DPY19L2: variants seen among roughly 807,000 people sequenced by gnomAD.
DPY19L2 encodes probable C-mannosyltransferase DPY19L2.
A neutral mutation model predicts 97.9 loss-of-function variants in DPY19L2; 34 were observed. That is an observed-to-expected ratio of 0.35 (90% CI 0.26 to 0.46). DPY19L2 has a LOEUF of 0.46. Among genes scored for constraint, DPY19L2 ranks in the 20% least tolerant of loss-of-function variants. The pLI is 1.00. For synonymous variants in DPY19L2, 230 were observed against 307.9 expected (o/e 0.75, Z 2.65); for missense variants, 623 against 911.4 (o/e 0.68, Z 4.07).
intron 11 of DPY19L2, among the ~76,000 whole-genome samples, chr12:63,611,339 T>C (rs943205710): frequency 1.3e-5 from 2 of 151,464 alleles, no homozygotes; most frequent in Non-Finnish European, 2.9e-5. Flanking sequence ...AGAATATCTA[T>C]AGGAATAAGA....
intron 6 of DPY19L2, among the ~76,000 whole-genome samples, chr12:63,644,143 TA>T (rs1286051258): frequency 3.3e-5 from 5 of 152,112 alleles, no homozygotes; most frequent in African/African-American, 1.2e-4. Context: ...ACACATGAAC[TA>T]GGAGATATTC....
intron 14 of DPY19L2, 117 bp from the exon 15 acceptor site, chr12:63,596,154 C>G (rs1045868741): frequency 3.0e-6 from 2 of 676,236 alleles, no homozygotes; most frequent in Non-Finnish European, 4.6e-6. Flanking sequence ...GGTTAAATTT[C>G]TTTGTCATCA....
At chr12:63,565,017 T>TTG (rs546595602) in intron 21 of DPY19L2, among the ~76,000 whole-genome samples, 2,040 of 152,174 alleles carry the variant, frequency 0.013, 24 homozygotes, top group Non-Finnish European at 0.021. Flanking sequence ...CAAATATACT[T>TTG]TGATGTTATT....
At chr12:63,633,134 C>T (rs1039170875) in intron 6 of DPY19L2, among the ~76,000 whole-genome samples, 21 of 152,250 alleles carry the variant, frequency 1.4e-4, no homozygotes, top group African/African-American at 5.1e-4. Context: ...CTAGGCATTA[C>T]CATTCAGGAC....
At position 63,594,107 on chromosome 12, in the gene DPY19L2, T is replaced by C; in HGVS notation, c.1560A>G (p.Leu520=). Residue 520 remains leucine (L), a synonymous_variant, in exon 16 of 22, where the codon TTA becomes TTG. Transcript: ENST00000324472. ...KKTVRDISYV[L]ATNIYLRKQL... is the part of the protein sequence containing the mutation. ...ATTACCTTAGATAAATGTTTGTAGC[T>C]AAAACATATGAAATATCACGAACAG... 6.5e-7 allele frequency: 1 copy of C among 1,548,104 alleles called. No homozygotes were observed. Among genetic ancestry groups the C allele is most frequent in the Non-Finnish European group, 8.8e-7 (1 of 1,133,544 alleles).
intron 11 of DPY19L2, among the ~76,000 whole-genome samples, chr12:63,613,791 T>C (rs1887396095): frequency 6.6e-6 from 1 of 152,058 alleles, no homozygotes; most frequent in African/African-American, 2.4e-5. Context: ...AGAAATAAGA[T>C]AAAAAGTATT....
At chr12:63,609,077 G>T in intron 11 of DPY19L2, among the ~76,000 whole-genome samples, 1 of 152,082 alleles carries the variant, frequency 6.6e-6, no homozygotes, top group East Asian at 1.9e-4. Context: ...ATTTAAACAT[G>T]TTTAAAAAAT....
chr12:63,579,652 G>A (rs1236858853), intron 19 of DPY19L2, among the ~76,000 whole-genome samples: 1 of 152,052 alleles, frequency 6.6e-6, no homozygotes, highest in African/African-American at 2.4e-5. Flanking sequence ...AACTGGGGAG[G>A]GGCAAGGGAG....
At chr12:63,565,328 C>T (rs1418421330) in intron 21 of DPY19L2, among the ~76,000 whole-genome samples, 1 of 152,088 alleles carries the variant, frequency 6.6e-6, no homozygotes, top group African/African-American at 2.4e-5. Flanking sequence ...GGCAGGACTC[C>T]AATCCTTCAG....
chr12:63,646,178 A>G (rs138985942), intron 5 of DPY19L2, among the ~76,000 whole-genome samples: 2 of 152,252 alleles, frequency 1.3e-5, no homozygotes, highest in African/African-American at 4.8e-5. Flanking sequence ...CATAAGCTCT[A>G]TGAGGGTAAG....
intron 2 of DPY19L2, among the ~76,000 whole-genome samples, chr12:63,664,505 A>C (rs1420987526): frequency 6.6e-6 from 1 of 152,140 alleles, no homozygotes; most frequent in Non-Finnish European, 1.5e-5. Flanking sequence ...AAATACCTCC[A>C]TAACTGTTGA....
intron 12 of DPY19L2, among the ~76,000 whole-genome samples, chr12:63,607,842 A>C (rs1312105773): frequency 6.6e-6 from 1 of 151,748 alleles, no homozygotes; most frequent in Non-Finnish European, 1.5e-5. Flanking sequence ...CGTGTTGCCC[A>C]GGCTGGTCTC....
chr12:63,583,054 C>G (rs1881215069), intron 17 of DPY19L2, among the ~76,000 whole-genome samples: 1 of 152,122 alleles, frequency 6.6e-6, no homozygotes, highest in South Asian at 2.1e-4. Context: ...CTCATTGAAG[C>G]ATTTTGGATT....
intron 16 of DPY19L2, among the ~76,000 whole-genome samples, chr12:63,590,051 C>T (rs1298411036): frequency 6.6e-6 from 1 of 151,956 alleles, no homozygotes; most frequent in Non-Finnish European, 1.5e-5. Context: ...TTGCTTGAAC[C>T]CCGGAGGCAG....
intron 11 of DPY19L2, among the ~76,000 whole-genome samples, chr12:63,612,839 C>A (rs1203731960): frequency 6.6e-6 from 1 of 151,646 alleles, no homozygotes; most frequent in Admixed American, 6.6e-5. Context: ...GAAAGAGGAA[C>A]TATCACTACA....
intron 12 of DPY19L2, among the ~76,000 whole-genome samples, chr12:63,600,905 C>T (rs938114016): frequency 8.6e-5 from 13 of 151,858 alleles, no homozygotes; most frequent in African/African-American, 3.1e-4. Flanking sequence ...CCTGCCTCAG[C>T]CTCCCGAGTA....
At chr12:63,642,028 T>A (rs1186646262) in intron 6 of DPY19L2, among the ~76,000 whole-genome samples, 2 of 152,158 alleles carry the variant, frequency 1.3e-5, no homozygotes, top group Non-Finnish European at 2.9e-5. Context: ...ACTTTACATA[T>A]GTTTATTGAC....
intron 2 of DPY19L2, among the ~76,000 whole-genome samples, chr12:63,664,969 T>C (rs11834081): frequency 0.17 from 25,371 of 151,918 alleles, 2,282 homozygotes; most frequent in East Asian, 0.28. Context: ...ATCCCAAGGG[T>C]AGAAATCACT....
chr12:63,639,183 C>A (rs1892269220), intron 6 of DPY19L2, among the ~76,000 whole-genome samples: 1 of 152,158 alleles, frequency 6.6e-6, no homozygotes, highest in South Asian at 2.1e-4. Context: ...CCCTTTCTTA[C>A]ACCTTTTACG....
Sources: gnomAD v4.1 joint callset for allele counts (sites outside exome capture counted in the v4.1 genomes callset) on GRCh38, gnomAD v4.1.1 for gene constraint, MANE v1.5 for transcripts, NCBI Gene and HGNC (gene_info 2026-07-23, HGNC 2026-07-21) for gene names.